The following ETNK1 variants were observed in gnomAD, a reference collection of about 807,000 sequenced individuals.
ETNK1 encodes putative protein product of Nbla10396.
A neutral mutation model predicts 45.1 loss-of-function variants in ETNK1; 8 were observed. The observed-to-expected ratio is 0.18, with a 90% CI of 0.10 to 0.32. ETNK1 has a LOEUF of 0.32. Ranked by LOEUF, ETNK1 falls within the 10% of genes least tolerant of loss-of-function variation. The probability of loss-of-function intolerance (pLI) is 1.00; values close to 1 mark genes in which losing one functional copy is unlikely to be tolerated. For synonymous variants in ETNK1, 152 were observed against 151.9 expected, an observed-to-expected ratio of 1.00 and a Z score of -0.01; for missense variants, 302 against 430.6, an observed-to-expected ratio of 0.70 and a Z score of 2.64.
intron 2 of ETNK1, among the ~76,000 whole-genome samples, chr12:22,658,493 A>G (rs1953966588): frequency 6.6e-6 from 1 of 152,182 alleles, no homozygotes; most frequent in African/African-American, 2.4e-5. Context: ...CAGCACCATA[A>G]CTGTTAAAGA....
rs1167997873 is a variant in ETNK1, at chr12:22,688,733, A to G, written c.*3779A>G. On this transcript the variant is annotated 3_prime_UTR_variant, in exon 8 of 8. Coordinates refer to ENST00000266517, the MANE Select transcript of ETNK1 (RefSeq NM_018638.5). ...TGCTAGTAATTATTATGCACAGAGGAAAAATCATTTTAAGTATGTGGTAAA... is the reference window on the plus strand; with the variant it reads ...TGCTAGTAATTATTATGCACAGAGGGAAAATCATTTTAAGTATGTGGTAAA... 6.6e-6 allele frequency: 1 copy of G among 152,274 alleles called. No individual in the cohort carries two copies. The highest frequency in any genetic ancestry group is 1.5e-5 in the Non-Finnish European group (1 of 67,794). The allele number at this position is 152,274 out of a possible 1,614,324, so 9.4% of individuals were successfully genotyped here.
intron 6 of ETNK1, among the ~76,000 whole-genome samples, chr12:22,679,144 G>T (rs1337349197): frequency 6.6e-6 from 1 of 152,184 alleles, no homozygotes; most frequent in Non-Finnish European, 1.5e-5. Flanking sequence ...CCGTCTGCAC[G>T]CTGAGGAAGA....
chr12:22,655,865 G>A lies in ETNK1; in HGVS notation c.417-3149G>A, dbSNP rs182751897. Among the ~76,000 whole-genome samples, 24 of 152,248 alleles carry A rather than the reference G, an allele frequency of 1.6e-4. 1 individual carries two copies. Among genetic ancestry groups the A allele is most frequent in the Admixed American group, 1.4e-3 (21 of 15,290 alleles). On this transcript the variant is annotated intron_variant, in intron 2 of 7. Transcript: ENST00000266517. ...TGAATTATTTGTTTAAGTTCATAAT[G>A]CAAATACAGTGGCAAAGTCACAATG...
chr12:22,625,209 C>T lies in ETNK1; in HGVS notation c.-222C>T, dbSNP rs759425754. On this transcript the variant is annotated 5_prime_UTR_variant, in exon 1 of 8. Coordinates refer to ENST00000266517, the MANE Select transcript of ETNK1 (RefSeq NM_018638.5). ...GTCCAGCTCCGACAACAGGAATTTT[C>T]TCCGAGAGCGGGCCGGGCTCAGTTC... The T allele has an allele frequency of 1.2e-6, 2 of 1,609,988 alleles. No individual in the cohort carries two copies. The highest frequency in any genetic ancestry group is 1.7e-6 in the Non-Finnish European group (2 of 1,178,186).
At chr12:22,668,137 G>A (rs964980126) in intron 4 of ETNK1, among the ~76,000 whole-genome samples, 2 of 152,102 alleles carry the variant, frequency 1.3e-5, no homozygotes, top group Non-Finnish European at 2.9e-5. Context: ...CTGAAAAATT[G>A]AGAATCTCTT....
At chr12:22,650,752 T>C (rs1282863428) in intron 2 of ETNK1, among the ~76,000 whole-genome samples, 2 of 151,984 alleles carry the variant, frequency 1.3e-5, no homozygotes, top group East Asian at 1.9e-4. Context: ...AAATAGGAAA[T>C]ATAAAAATGT....
chr12:22,669,867 T>C (rs1437482689), intron 4 of ETNK1, among the ~76,000 whole-genome samples: 1 of 152,060 alleles, frequency 6.6e-6, no homozygotes, highest in African/African-American at 2.4e-5. Flanking sequence ...CCGTGATTTA[T>C]TGTCACCAAT....
intron 1 of ETNK1, among the ~76,000 whole-genome samples, chr12:22,629,928 T>C (rs10842039): frequency 6.6e-6 from 1 of 151,996 alleles, no homozygotes; most frequent in African/African-American, 2.4e-5. Context: ...AAGTATATAA[T>C]GTTTAATAGA....
At chr12:22,664,165 T>G (rs867950704) in intron 4 of ETNK1, among the ~76,000 whole-genome samples, 28 of 151,892 alleles carry the variant, frequency 1.8e-4, no homozygotes, top group Non-Finnish European at 2.2e-4. Context: ...ATTATATTAT[T>G]TAATAAATTT....
chr12:22,654,472 C>T (rs577057774), intron 2 of ETNK1, among the ~76,000 whole-genome samples: 5 of 152,096 alleles, frequency 3.3e-5, no homozygotes, highest in Non-Finnish European at 7.4e-5. Flanking sequence ...TATTAAAAAT[C>T]CAAAATAGAT....
At chr12:22,645,378 C>A (rs11046514) in intron 2 of ETNK1, among the ~76,000 whole-genome samples, 7,928 of 151,678 alleles carry the variant, frequency 0.052, 655 homozygotes, top group African/African-American at 0.18. Flanking sequence ...CAAATAGAAA[C>A]AGTAAAATAA....
intron 6 of ETNK1, among the ~76,000 whole-genome samples, chr12:22,676,307 CT>C (rs1244036206): frequency 6.6e-6 from 1 of 152,106 alleles, no homozygotes. Context: ...TGGTTTCCAG[CT>C]TCATCCATGT....
intron 1 of ETNK1, among the ~76,000 whole-genome samples, chr12:22,639,442 C>G (rs898063057): frequency 6.6e-6 from 1 of 152,002 alleles, no homozygotes; most frequent in Non-Finnish European, 1.5e-5. Context: ...TTTGGGAGGC[C>G]GAGGCGGGTG....
At position 22,642,668 on chromosome 12, in the gene ETNK1, C is replaced by G. The variant is rs530147257; in HGVS notation, c.157-1095C>G. Among the ~76,000 whole-genome samples, 11 of 152,054 alleles carry G rather than the reference C, an allele frequency of 7.2e-5. No individual in the cohort carries two copies. In the South Asian group the frequency reaches 2.3e-3, roughly 32 times the overall value. ...TAATTGAGATAGAAATATTTACCCT[C>G]TTTCTTAAGCATTAGTTAAATGTAT... is the stretch of plus-strand genomic sequence containing the variant. On this transcript the variant is annotated intron_variant, in intron 1 of 7. Coordinates refer to ENST00000266517, the MANE Select transcript of ETNK1 (RefSeq NM_018638.5).
At chr12:22,672,861 A>C (rs1954122761) in intron 5 of ETNK1, among the ~76,000 whole-genome samples, 1 of 152,216 alleles carries the variant, frequency 6.6e-6, no homozygotes, top group Non-Finnish European at 1.5e-5. Context: ...GTATTTTCCA[A>C]ACTATAGATC....
At chr12:22,641,477 C>A (rs1953735743) in intron 1 of ETNK1, among the ~76,000 whole-genome samples, 1 of 151,948 alleles carries the variant, frequency 6.6e-6, no homozygotes, top group East Asian at 1.9e-4. Context: ...TTTTCTTGAC[C>A]CATTATGATC....
chr12:22,670,497 G>T (rs1475226755), intron 4 of ETNK1, among the ~76,000 whole-genome samples: 1 of 151,942 alleles, frequency 6.6e-6, no homozygotes, highest in Non-Finnish European at 1.5e-5. Context: ...CTGAGTAGTA[G>T]TATGAAAGAA....
At chr12:22,645,321 G>T (rs144197671) in intron 2 of ETNK1, among the ~76,000 whole-genome samples, 4 of 151,730 alleles carry the variant, frequency 2.6e-5, no homozygotes, top group Admixed American at 2.0e-4. Context: ...GAGTTTCCTT[G>T]TAACTAAAGC....
At chr12:22,665,373 A>T (rs1323919717) in intron 4 of ETNK1, among the ~76,000 whole-genome samples, 3 of 152,154 alleles carry the variant, frequency 2.0e-5, no homozygotes, top group Admixed American at 2.0e-4. Context: ...TACTATTGAT[A>T]GTCTAGAACT....
Sources: gnomAD v4.1 joint callset for allele counts (sites outside exome capture counted in the v4.1 genomes callset) on GRCh38, gnomAD v4.1.1 for gene constraint, MANE v1.5 for transcripts, NCBI Gene and HGNC (gene_info 2026-07-23, HGNC 2026-07-21) for gene names.